CLECL1: variants seen among roughly 807,000 people sequenced by gnomAD.
CLECL1 encodes C-type lectin like 1.
downstream of CLECL1, among the ~76,000 whole-genome samples, chr12:9,714,415 G>A (rs749531197): frequency 1.1e-4 from 16 of 152,188 alleles, no homozygotes; most frequent in Non-Finnish European, 1.6e-4. Flanking sequence ...CTTAGCATAA[G>A]CTCTGTGTCC....
chr12:9,715,755 G>A (rs1866232457), downstream of CLECL1: 2 of 152,478 alleles, frequency 1.3e-5, no homozygotes, highest in South Asian at 2.1e-4. Flanking sequence ...TCCAGTTCTC[G>A]CCTTTATTCT....
At chr12:9,719,595 A>C (rs1866284459), downstream of CLECL1, among the ~76,000 whole-genome samples, 1 of 152,074 alleles carries the variant, frequency 6.6e-6, no homozygotes, top group Non-Finnish European at 1.5e-5. Context: ...TCTCTAAATA[A>C]ATAAATAAGC....
At chr12:9,716,907 G>T in intron 2 of CLECL1, 1 of 408,772 alleles carries the variant, frequency 2.4e-6, no homozygotes, top group Non-Finnish European at 4.4e-6. Flanking sequence ...CACATGAGAA[G>T]TAAACCACAC....
chr12:9,717,042 C>T lies in CLECL1; in HGVS notation n.153-266G>A, dbSNP rs142797707. 4.3e-3 allele frequency among the ~76,000 whole-genome samples: 651 copies of T among 152,284 alleles called. 4 individuals carry two copies. Among genetic ancestry groups the T allele is most frequent in the Middle Eastern group, 6.8e-3 (2 of 294 alleles). ...GATGTCAAGTATTCTAGTGTCCATCCCTCTACCCAGCAAGTCCTGGAGGAT... is the reference window on the plus strand; with the variant it reads ...GATGTCAAGTATTCTAGTGTCCATCTCTCTACCCAGCAAGTCCTGGAGGAT... On this transcript the variant is annotated intron_variant and non_coding_transcript_variant, in intron 2 of 2. Coordinates refer to the CLECL1 transcript ENST00000540988.
downstream of CLECL1, chr12:9,722,637 A>G: frequency 6.2e-7 from 1 of 1,608,894 alleles, no homozygotes; most frequent in Non-Finnish European, 8.5e-7. Flanking sequence ...TAAATGTTAA[A>G]TCTCACCATA....
the CLECL1 span, among the ~76,000 whole-genome samples, chr12:9,707,817 C>T: frequency 1.3e-5 from 2 of 152,212 alleles, no homozygotes; most frequent in African/African-American, 4.8e-5. Context: ...TTCTCTCTCA[C>T]ATGGTTCAAA....
chr12:9,722,622 A>C (rs79357266), downstream of CLECL1: 10,234 of 1,593,992 alleles, frequency 6.4e-3, 569 homozygotes, highest in African/African-American at 0.12. Flanking sequence ...GGATGCTGTC[A>C]CCTCTAAATG....
chr12:9,722,842 A>ATCAATGTAAAAC (rs1866331781), intron 3 of CLECL1, 29 bp from the exon 2 acceptor site: 26 of 1,539,526 alleles, frequency 1.7e-5, no homozygotes, highest in Non-Finnish European at 2.1e-5. Flanking sequence ...AGCAATTAAA[A>ATCAATGTAAAAC]TCAATGTAAA....
intron 1 of CLECL1, among the ~76,000 whole-genome samples, chr12:9,730,574 A>T (rs1349262599): frequency 6.6e-6 from 1 of 152,256 alleles, no homozygotes; most frequent in East Asian, 1.9e-4. Flanking sequence ...TTTTCAAAAC[A>T]TTAAAAGAAG....
chr12:9,720,590 C>T (rs34584384), downstream of CLECL1, among the ~76,000 whole-genome samples: 34,347 of 152,056 alleles, frequency 0.23, 5,033 homozygotes, highest in African/African-American at 0.42. Context: ...CATCTGACCA[C>T]GTTGGCCCCC....
At chr12:9,721,601 C>T (rs776492467), downstream of CLECL1, among the ~76,000 whole-genome samples, 1 of 152,308 alleles carries the variant, frequency 6.6e-6, no homozygotes, top group South Asian at 2.1e-4. Flanking sequence ...TTCCCTTTGA[C>T]TGTGAGCAGG....
the CLECL1 span, among the ~76,000 whole-genome samples, chr12:9,707,894 A>G: frequency 6.6e-6 from 1 of 152,332 alleles, no homozygotes; most frequent in East Asian, 1.9e-4. Context: ...ACTAAGTAAA[A>G]TGAGCATTTG....
chr12:9,721,146 C>A (rs1397736174), downstream of CLECL1, among the ~76,000 whole-genome samples: 9 of 152,170 alleles, frequency 5.9e-5, no homozygotes, highest in African/African-American at 2.2e-4. Flanking sequence ...CCCTCCTTCT[C>A]CTTTTTCCTT....
the CLECL1 span, among the ~76,000 whole-genome samples, chr12:9,705,456 C>T: frequency 2.6e-5 from 4 of 152,084 alleles, no homozygotes; most frequent in African/African-American, 9.7e-5. Flanking sequence ...CTTTTGGCAT[C>T]TTCGTCATGA....
At chr12:9,715,511 G>A (rs1866228882), downstream of CLECL1, among the ~76,000 whole-genome samples, 1 of 152,066 alleles carries the variant, frequency 6.6e-6, no homozygotes, top group East Asian at 1.9e-4. Flanking sequence ...GAGTCCCTAG[G>A]CATTCATAAT....
the CLECL1 span, among the ~76,000 whole-genome samples, chr12:9,704,712 C>T: frequency 6.6e-6 from 1 of 152,146 alleles, no homozygotes; most frequent in Middle Eastern, 3.4e-3. Flanking sequence ...GCATCTAGTT[C>T]CATATATGTC....
the CLECL1 span, among the ~76,000 whole-genome samples, chr12:9,702,593 A>G: frequency 1.3e-5 from 2 of 152,068 alleles, no homozygotes. Context: ...TCTGCCCAGT[A>G]TTTCCCTGCT....
downstream of CLECL1, chr12:9,718,626 AT>A: frequency 1.6e-6 from 1 of 644,086 alleles, no homozygotes; most frequent in Non-Finnish European, 2.8e-6. Context: ...ACCTTTAAAG[AT>A]GTAATTAACT....
chr12:9,728,118 T>C (rs2121060450), intron 2 of CLECL1, among the ~76,000 whole-genome samples: 1 of 151,944 alleles, frequency 6.6e-6, no homozygotes, highest in South Asian at 2.1e-4. Flanking sequence ...GCTGCATATA[T>C]GAGATAGAGT....
Sources: allele counts gnomAD v4.1 joint callset (sites outside exome capture counted in the v4.1 genomes callset), GRCh38; gene constraint gnomAD v4.1.1; transcripts MANE v1.5; gene names NCBI Gene and HGNC (gene_info 2026-07-23, HGNC 2026-07-21).